MEIS2: variants seen among roughly 807,000 people sequenced by gnomAD.
MEIS2 encodes Meis homeobox 2, also known as homeobox protein Meis2.
MEIS2 carries 9 observed loss-of-function variants against 58.6 expected under a neutral mutation model. That is an observed-to-expected ratio of 0.15 (90% confidence interval 0.09 to 0.27). The LOEUF (loss-of-function observed/expected upper bound fraction) is 0.27, where lower values mean the gene tolerates loss of function less well. MEIS2 is among the 10% of genes least tolerant of loss of function. MEIS2 has a pLI of 1.00. For missense variants in MEIS2, 427 were observed against 635.0 expected (o/e 0.67, Z 3.52); for synonymous variants, 221 against 228.4 (o/e 0.97, Z 0.29).
intron 6 of MEIS2, among the ~76,000 whole-genome samples, 192 bp downstream of exon 6, chr15:37,093,389 G>T (rs1387768018): frequency 6.6e-6 from 1 of 152,140 alleles, no homozygotes. Context: ...AACATAAATA[G>T]GAGGGGGTCC....
intron 9 of MEIS2, among the ~76,000 whole-genome samples, chr15:36,919,488 G>C (rs1026874091): frequency 6.6e-5 from 10 of 151,108 alleles, no homozygotes; most frequent in Non-Finnish European, 1.3e-4. Flanking sequence ...TGAGGCAGGA[G>C]AATCTGTTGA....
intron 9 of MEIS2, among the ~76,000 whole-genome samples, chr15:36,900,557 T>C (rs958697309): frequency 6.6e-6 from 1 of 152,212 alleles, no homozygotes; most frequent in Non-Finnish European, 1.5e-5. Context: ...TTCAATGATG[T>C]TCCAAGAATC....
chr15:36,982,589 T>C (rs751353983), intron 8 of MEIS2, among the ~76,000 whole-genome samples: 2 of 152,184 alleles, frequency 1.3e-5, no homozygotes, highest in Non-Finnish European at 2.9e-5. Flanking sequence ...TCTTGGCCAT[T>C]GTGAATAATG....
intron 9 of MEIS2, among the ~76,000 whole-genome samples, chr15:36,948,427 G>A (rs555632468): frequency 6.6e-6 from 1 of 152,032 alleles, no homozygotes; most frequent in Non-Finnish European, 1.5e-5. Flanking sequence ...TTCTTCAGGT[G>A]CGAAGAGTAT....
intron 7 of MEIS2, among the ~76,000 whole-genome samples, chr15:37,058,303 T>C (rs1238004228): frequency 1.3e-5 from 2 of 152,236 alleles, no homozygotes; most frequent in East Asian, 3.8e-4. Flanking sequence ...ATAACTCATA[T>C]TATTTTTCAC....
intron 9 of MEIS2, among the ~76,000 whole-genome samples, chr15:36,913,381 T>C (rs969581131): frequency 2.6e-5 from 4 of 152,242 alleles, no homozygotes; most frequent in Admixed American, 2.0e-4. Flanking sequence ...AGCATAGATT[T>C]TGGCCTTTAG....
chr15:37,080,880 G>A lies in MEIS2; in HGVS notation c.754+2891C>T, dbSNP rs377591827. On this transcript the variant is annotated intron_variant, in intron 7 of 11. Coordinates refer to ENST00000561208, the MANE Select transcript of MEIS2 (RefSeq NM_170675.5). ...ACATTTTACCAAGTTTATTTCTTAA[G>A]ATATTTTAAAAATGTGATATACATT... Among the ~76,000 whole-genome samples the A allele has an allele frequency of 1.6e-4, 25 of 152,236 alleles. No individual in the cohort carries two copies. The South Asian group carries it at 5.0e-3, about 30-fold the overall frequency.
At chr15:36,950,142 A>G (rs889751816) in intron 9 of MEIS2, among the ~76,000 whole-genome samples, 182 bp downstream of exon 9, 3 of 151,390 alleles carry the variant, frequency 2.0e-5, no homozygotes, top group African/African-American at 7.3e-5. Context: ...TCCTACAAAA[A>G]CCATTTCCCT....
chr15:37,078,536 T>C (rs1891728860), intron 7 of MEIS2, among the ~76,000 whole-genome samples: 1 of 85,172 alleles, frequency 1.2e-5, no homozygotes, highest in Non-Finnish European at 2.3e-5. Context: ...TTTAAAAAAA[T>C]CTAAATAATG....
chr15:36,934,074 TA>T (rs2058077098), intron 9 of MEIS2, among the ~76,000 whole-genome samples: 1 of 152,232 alleles, frequency 6.6e-6, no homozygotes, highest in Non-Finnish European at 1.5e-5. Flanking sequence ...ATGTGCATAC[TA>T]TTGGTAACGA....
intron 9 of MEIS2, among the ~76,000 whole-genome samples, chr15:36,926,542 GC>G (rs1437777722): frequency 6.6e-6 from 1 of 152,156 alleles, no homozygotes; most frequent in Admixed American, 6.5e-5. Context: ...TGGGAAAGTA[GC>G]CTTTTTCCAT....
intron 8 of MEIS2, among the ~76,000 whole-genome samples, chr15:36,973,179 G>C (rs2059626086): frequency 6.6e-6 from 1 of 152,156 alleles, no homozygotes; most frequent in African/African-American, 2.4e-5. Context: ...GTAAGAAAAT[G>C]ATAGAATCAT....
At position 36,889,564 on chromosome 15, in the gene MEIS2, T is replaced by A. The variant is rs1347535731; in HGVS notation, c.*2609A>T. On this transcript the variant is annotated 3_prime_UTR_variant, in exon 12 of 12. Coordinates refer to ENST00000561208, the MANE Select transcript of MEIS2 (RefSeq NM_170675.5). ...GTGGGTTTGACGAATAAACTAAGCA[T>A]GAGATGACTTTATTCATTAAAACCA... The A allele has an allele frequency of 6.6e-6, 1 of 152,174 alleles. No individual in the cohort carries two copies. Among genetic ancestry groups the A allele is most frequent in the Non-Finnish European group, 1.5e-5 (1 of 68,032 alleles). 9.4% of individuals were successfully genotyped at this position (152,174 alleles called of 1,614,324 possible).
At chr15:37,052,773 CACATTTGCTTTA>C (rs2062976466) in intron 7 of MEIS2, among the ~76,000 whole-genome samples, 1 of 152,184 alleles carries the variant, frequency 6.6e-6, no homozygotes, top group Admixed American at 6.5e-5. Flanking sequence ...GGTTGAAAAA[CACATTTGCTTTA>C]TAAAAATATC....
intron 7 of MEIS2, among the ~76,000 whole-genome samples, chr15:37,066,730 T>C (rs1889983886): frequency 1.3e-5 from 2 of 152,310 alleles, no homozygotes; most frequent in Non-Finnish European, 2.9e-5. Context: ...CACACAGAAA[T>C]GTGAGTCCAT....
chr15:37,030,772 C>T (rs892151700), intron 8 of MEIS2, among the ~76,000 whole-genome samples: 3 of 151,626 alleles, frequency 2.0e-5, no homozygotes, highest in Admixed American at 1.3e-4. Flanking sequence ...TGCCAAGCAG[C>T]CAGGACCACA....
intron 9 of MEIS2, among the ~76,000 whole-genome samples, chr15:36,900,825 A>G (rs1363189252): frequency 6.6e-6 from 1 of 152,204 alleles, no homozygotes; most frequent in East Asian, 1.9e-4. Context: ...TTTAGGTGTC[A>G]TTCCTGTTTG....
chr15:36,962,551 G>T (rs1045948733), intron 8 of MEIS2, among the ~76,000 whole-genome samples: 3 of 150,592 alleles, frequency 2.0e-5, no homozygotes, highest in Non-Finnish European at 4.4e-5. Context: ...TTTTACTGTC[G>T]CAGTGTTATT....
intron 7 of MEIS2, among the ~76,000 whole-genome samples, chr15:37,083,247 G>A (rs1892463921): frequency 6.6e-6 from 1 of 152,144 alleles, no homozygotes; most frequent in Non-Finnish European, 1.5e-5. Context: ...GAATGGAAAT[G>A]GGGACAAATA....
Sources: gnomAD v4.1 joint callset for allele counts (sites outside exome capture counted in the v4.1 genomes callset) on GRCh38, gnomAD v4.1.1 for gene constraint, MANE v1.5 for transcripts, NCBI Gene and HGNC (gene_info 2026-07-23, HGNC 2026-07-21) for gene names.